The following ACACB variants were observed in gnomAD, a reference collection of about 807,000 sequenced individuals.
ACACB encodes acetyl-CoA carboxylase beta, also known as acetyl-CoA carboxylase 2.
In ACACB, 209 loss-of-function variants were observed where a neutral mutation model predicts 278.8. The observed-to-expected ratio is 0.75, with a 90% CI of 0.67 to 0.84. The LOEUF (loss-of-function observed/expected upper bound fraction) is 0.84, where lower values mean the gene tolerates loss of function less well. ACACB is among the 40% of genes least tolerant of loss of function. The pLI, the probability that ACACB is intolerant of heterozygous loss-of-function variation, is 0.00. For missense variants in ACACB, 2,850 were observed against 3,269.0 expected (o/e 0.87, Z 3.13); for synonymous variants, 1,174 against 1,285.6 (o/e 0.91, Z 1.86).
At chr12:109,158,836 G>T (rs969769507) in intron 2 of ACACB, among the ~76,000 whole-genome samples, 1 of 151,924 alleles carries the variant, frequency 6.6e-6, no homozygotes, top group African/African-American at 2.4e-5. Context: ...TTAGCAGAGC[G>T]TGGTAGCACA....
chr12:109,152,640 C>CTTTTTTTT lies in ACACB; in HGVS notation c.653+12600_653+12607dup, dbSNP rs34863094. On this transcript the variant is annotated intron_variant, in intron 2 of 52. Transcript: ENST00000338432. ...GCCTGTGCCTTTTCTTTCTTTCTTTCTTTTTTTTTTTTTTTTTTTTTTTTT... is the reference window on the plus strand; with the variant it reads ...GCCTGTGCCTTTTCTTTCTTTCTTTCTTTTTTTTTTTTTTTTTTTTTTTTTTTTTTTTT... 1.3e-3 allele frequency among the ~76,000 whole-genome samples: 96 copies of CTTTTTTTT among 74,844 alleles called. 1 individual carries two copies. The highest frequency in any genetic ancestry group is 2.4e-3 in the South Asian group (4 of 1,680). 49.1% of individuals were successfully genotyped at this position (74,844 alleles called of 152,430 possible).
intron 13 of ACACB, among the ~76,000 whole-genome samples, chr12:109,189,229 G>A (rs766980573): frequency 3.3e-5 from 5 of 152,308 alleles, no homozygotes; most frequent in South Asian, 2.1e-4. Flanking sequence ...AAAATCTGAC[G>A]TGGGGCACTT....
chr12:109,260,121 A>G (rs754191295), intron 47 of ACACB: 2 of 1,378,452 alleles, frequency 1.5e-6, no homozygotes, highest in African/African-American at 2.9e-5. Context: ...CATGTTGCCC[A>G]TGCACATTGG....
Position 109,206,866 on chromosome 12 carries a change from C to T in ACACB, c.3060+10C>T, listed in dbSNP as rs17848815. 9,323 of 1,614,158 alleles carry T rather than the reference C, an allele frequency of 5.8e-3. 382 individuals are homozygous for T. In the East Asian group the frequency reaches 0.089, roughly 15 times the overall value. On this transcript the variant is annotated intron_variant, in intron 20 of 52. Coordinates refer to ENST00000338432, the MANE Select transcript of ACACB (RefSeq NM_001093.4). ...CGTTTTTAGCATAAAGGTAAAGTCA[C>T]CTATGAGCGCAGGCGTGTAGACCAG...
At chr12:109,225,688 T>C (rs1343531668) in intron 27 of ACACB, among the ~76,000 whole-genome samples, 1 of 152,220 alleles carries the variant, frequency 6.6e-6, no homozygotes, top group African/African-American at 2.4e-5. Flanking sequence ...TTGAAAAGCT[T>C]CCAGTGTTTA....
intron 31 of ACACB, among the ~76,000 whole-genome samples, chr12:109,234,847 G>A (rs1199598352): frequency 6.6e-6 from 1 of 152,004 alleles, no homozygotes; most frequent in Non-Finnish European, 1.5e-5. Context: ...GTCGGTAGGT[G>A]CAGCAAACCA....
At chr12:109,235,434 T>C (rs2046606803) in intron 32 of ACACB, 65 bp downstream of exon 32, 3 of 1,525,046 alleles carry the variant, frequency 2.0e-6, no homozygotes, top group South Asian at 2.3e-5. Context: ...TGCCATTTAT[T>C]TGATATTTAT....
intron 2 of ACACB, 66 bp from the exon 3 acceptor site, chr12:109,166,795 G>A: frequency 1.2e-6 from 2 of 1,606,244 alleles, no homozygotes; most frequent in Non-Finnish European, 1.7e-6. Context: ...TGGCTTTACA[G>A]GTGCCGAGCT....
chr12:109,193,988 C>G (rs1463150974), intron 16 of ACACB, among the ~76,000 whole-genome samples: 3 of 152,186 alleles, frequency 2.0e-5, no homozygotes, highest in East Asian at 3.9e-4. Context: ...GTACCACAAA[C>G]TGGTTTAAAC....
intron 26 of ACACB, among the ~76,000 whole-genome samples, chr12:109,223,435 G>A (rs773354680): frequency 4.6e-5 from 7 of 152,004 alleles, no homozygotes; most frequent in East Asian, 1.9e-4. Context: ...TGCTCCCACC[G>A]CCCCCACTCA....
chr12:109,135,761 G>A (rs575777710), intron 1 of ACACB, among the ~76,000 whole-genome samples: 10 of 151,216 alleles, frequency 6.6e-5, no homozygotes, highest in Admixed American at 3.3e-4. Flanking sequence ...TCTTGTGCAT[G>A]TGGAAATCCA....
chr12:109,252,845 C>G (rs903846758), intron 42 of ACACB, among the ~76,000 whole-genome samples, 170 bp from the exon 43 acceptor site: 1 of 152,154 alleles, frequency 6.6e-6, no homozygotes, highest in African/African-American at 2.4e-5. Flanking sequence ...ACTAATTCCT[C>G]GAAGATTCTG....
At chr12:109,223,001 C>G in intron 26 of ACACB, 89 bp downstream of exon 26, 1 of 1,032,920 alleles carries the variant, frequency 9.7e-7, no homozygotes, top group Admixed American at 2.0e-5. Context: ...TCCTGCCCTC[C>G]AGGTGCTCAG....
At chr12:109,170,386 A>G (rs1424974041) in intron 4 of ACACB, among the ~76,000 whole-genome samples, 2 of 152,138 alleles carry the variant, frequency 1.3e-5, no homozygotes, top group South Asian at 2.1e-4. Context: ...TTTTAAGGAC[A>G]TATTCCTAGA....
chr12:109,161,752 G>T (rs910175907), intron 2 of ACACB, among the ~76,000 whole-genome samples: 8 of 108,440 alleles, frequency 7.4e-5, no homozygotes, highest in Non-Finnish European at 1.3e-4. Context: ...TGTGTGTGTG[G>T]TGTGTGTGTG....
intron 1 of ACACB, among the ~76,000 whole-genome samples, chr12:109,133,727 ATAC>A (rs2042888931): frequency 6.6e-6 from 1 of 151,296 alleles, no homozygotes; most frequent in African/African-American, 2.4e-5. Context: ...TGTCATGGAG[ATAC>A]TTGGCTCATT....
chr12:109,132,974 G>A (rs55699599), intron 1 of ACACB, among the ~76,000 whole-genome samples: 2,460 of 152,118 alleles, frequency 0.016, 25 homozygotes, highest in Non-Finnish European at 0.02. Context: ...CCTGCCGTGC[G>A]TGTGTCTAAC....
chr12:109,150,287 C>A (rs963424395), intron 2 of ACACB, among the ~76,000 whole-genome samples: 3 of 152,038 alleles, frequency 2.0e-5, no homozygotes, highest in African/African-American at 7.2e-5. Flanking sequence ...GGTGGACGGC[C>A]CAGAGGTGGT....
At chr12:109,167,615 GTA>G (rs1383703761) in intron 3 of ACACB, among the ~76,000 whole-genome samples, 1 of 65,508 alleles carries the variant, frequency 1.5e-5, no homozygotes, top group Admixed American at 1.6e-4. Flanking sequence ...AAAAATATAT[GTA>G]TGTGTATATA....
Sources: allele counts gnomAD v4.1 joint callset (sites outside exome capture counted in the v4.1 genomes callset), GRCh38; gene constraint gnomAD v4.1.1; transcripts MANE v1.5; gene names NCBI Gene and HGNC (gene_info 2026-07-23, HGNC 2026-07-21).